The following MATN2 variants were observed in gnomAD, a reference collection of about 807,000 sequenced individuals.
MATN2 encodes the protein matrilin 2, also known as matrilin-2.
MATN2 carries 69 observed loss-of-function variants against 103.2 expected under a neutral mutation model. The ratio of observed to expected loss-of-function variants is 0.67; its 90% CI spans 0.55 to 0.82. MATN2 has a LOEUF of 0.82. MATN2 is among the 40% of genes least tolerant of loss of function. The pLI, the probability that MATN2 is intolerant of heterozygous loss-of-function variation, is 0.00. For missense variants in MATN2, 1,023 were observed against 1,211.5 expected (o/e 0.84, Z 2.31); for synonymous variants, 429 against 450.2 (o/e 0.95, Z 0.60).
intron 2 of MATN2, among the ~76,000 whole-genome samples, chr8:97,900,166 A>G (rs970206341): frequency 6.6e-6 from 1 of 152,214 alleles, no homozygotes; most frequent in African/African-American, 2.4e-5. Flanking sequence ...ATAGGGAAAG[A>G]TGAAAGGAGG....
chr8:97,946,050 T>C (rs1810743480), intron 4 of MATN2, among the ~76,000 whole-genome samples: 2 of 152,176 alleles, frequency 1.3e-5, no homozygotes, highest in African/African-American at 2.4e-5. Flanking sequence ...AGTTATTTCC[T>C]TATCCAAATA....
intron 5 of MATN2, among the ~76,000 whole-genome samples, chr8:97,976,596 GTTA>G (rs1477022442): frequency 1.3e-5 from 2 of 151,922 alleles, no homozygotes; most frequent in Non-Finnish European, 2.9e-5. Context: ...CTATTTCCTT[GTTA>G]TTATTTACAC....
chr8:97,898,973 C>A (rs895735974), intron 2 of MATN2, among the ~76,000 whole-genome samples: 3 of 151,782 alleles, frequency 2.0e-5, no homozygotes, highest in Admixed American at 6.6e-5. Context: ...CCAGGCTGTT[C>A]TCGAACTCCT....
At chr8:98,035,201 T>TA (rs1424757440) in intron 18 of MATN2, among the ~76,000 whole-genome samples, 1 of 151,726 alleles carries the variant, frequency 6.6e-6, no homozygotes, top group Non-Finnish European at 1.5e-5. Context: ...CTACTAAAAA[T>TA]ACAAAATTAG....
At position 97,982,901 on chromosome 8, in the gene MATN2, C is replaced by T. The variant is rs1049236510; in HGVS notation, c.1081+3893C>T. Among the ~76,000 whole-genome samples, 1 of 152,168 alleles carries T rather than the reference C, an allele frequency of 6.6e-6. No homozygotes were observed. Among genetic ancestry groups the T allele is most frequent in the Non-Finnish European group, 1.5e-5 (1 of 68,006 alleles). ...ACTCACATTGTGAAAAACGCATATCCTAGCCTGTCTCCTTCCTGCCTCTCC... is the reference window on the plus strand; with the variant it reads ...ACTCACATTGTGAAAAACGCATATCTTAGCCTGTCTCCTTCCTGCCTCTCC... On this transcript the variant is annotated intron_variant, in intron 6 of 18. Transcript: ENST00000254898. This position sits in a 1 kb window ranked among gnomAD's most constrained non-coding sequence, Gnocchi z 4.3.
chr8:97,954,471 T>G (rs1426430185), intron 4 of MATN2, among the ~76,000 whole-genome samples: 1 of 152,228 alleles, frequency 6.6e-6, no homozygotes, highest in Non-Finnish European at 1.5e-5. Context: ...AAGCTCTGAT[T>G]TGTAGATTTG....
At chr8:97,951,504 T>A (rs1026038516) in intron 4 of MATN2, among the ~76,000 whole-genome samples, 2 of 152,128 alleles carry the variant, frequency 1.3e-5, no homozygotes, top group Non-Finnish European at 2.9e-5. Context: ...TTCCCAGGCT[T>A]ACCCTAGACC....
chr8:98,021,140 A>T (rs746859677), intron 12 of MATN2, 65 bp from the exon 13 acceptor site: 2 of 1,512,544 alleles, frequency 1.3e-6, no homozygotes, highest in Non-Finnish European at 1.8e-6. Flanking sequence ...CTCTACTCAC[A>T]TGACTATTCA....
intron 10 of MATN2, among the ~76,000 whole-genome samples, chr8:98,015,627 C>T (rs1813333257): frequency 6.6e-6 from 1 of 152,168 alleles, no homozygotes; most frequent in Non-Finnish European, 1.5e-5. Context: ...TCTGACACAC[C>T]ATATAATATA....
chr8:98,035,765 C>A lies in MATN2; in HGVS notation c.*53C>A. ...TCATTGTATCACGGATTACAATGAA[C>A]GCAGTGCAGAGCCCCAAAGCTCAGG... On this transcript the variant is annotated 3_prime_UTR_variant, in exon 19 of 19. Coordinates refer to ENST00000254898, the MANE Select transcript of MATN2 (RefSeq NM_002380.5). The A allele has an allele frequency of 8.4e-7, 1 of 1,191,750 alleles. No homozygotes were observed. The highest frequency in any genetic ancestry group is 1.2e-6 in the Non-Finnish European group (1 of 823,660). The allele number at this position is 1,191,750 out of a possible 1,614,324, so 73.8% of individuals were successfully genotyped here.
intron 6 of MATN2, among the ~76,000 whole-genome samples, chr8:97,989,527 A>T (rs1812323889): frequency 2.0e-5 from 3 of 152,176 alleles, no homozygotes. Context: ...TGCATCAGTG[A>T]AAAAACTATC....
chr8:97,941,161 C>CAAAAAAAA (rs1186024165), intron 3 of MATN2, among the ~76,000 whole-genome samples: 186 of 77,902 alleles, frequency 2.4e-3, no homozygotes, highest in Middle Eastern at 0.012. Context: ...GACCTTGTCT[C>CAAAAAAAA]AAAAAAAAAA....
At chr8:97,899,082 C>T (rs1165428115) in intron 2 of MATN2, among the ~76,000 whole-genome samples, 1 of 152,018 alleles carries the variant, frequency 6.6e-6, no homozygotes, top group Non-Finnish European at 1.5e-5. Context: ...TATAACCCCA[C>T]CCACCCTGTT....
intron 2 of MATN2, 61 bp downstream of exon 2, chr8:97,888,303 G>A (rs1246371685): frequency 7.1e-7 from 1 of 1,406,954 alleles, no homozygotes; most frequent in Non-Finnish European, 9.2e-7. Flanking sequence ...GAGGGCTCAG[G>A]GACAGGGATT....
chr8:97,937,243 A>G (rs1333336861), intron 3 of MATN2, among the ~76,000 whole-genome samples: 1 of 152,100 alleles, frequency 6.6e-6, no homozygotes, highest in African/African-American at 2.4e-5. Flanking sequence ...AGGTGTCTGG[A>G]GTGAGAAGGA....
At chr8:97,961,267 C>A in intron 4 of MATN2, 141 bp from the exon 5 acceptor site, 1 of 776,692 alleles carries the variant, frequency 1.3e-6, no homozygotes, top group Non-Finnish European at 1.9e-6. Flanking sequence ...AAATTTTCTA[C>A]TATGATCACG....
At chr8:98,025,640 G>A in intron 13 of MATN2, 1 of 317,130 alleles carries the variant, frequency 3.2e-6, no homozygotes, top group South Asian at 2.3e-5. Flanking sequence ...CAGCTACTTG[G>A]GAGGCTGAGG....
At chr8:98,001,670 G>C (rs1812791617) in intron 7 of MATN2, among the ~76,000 whole-genome samples, 1 of 151,990 alleles carries the variant, frequency 6.6e-6, no homozygotes, top group South Asian at 2.1e-4. Context: ...TAGAGGTGGG[G>C]TTTCACCATG....
intron 2 of MATN2, among the ~76,000 whole-genome samples, chr8:97,925,340 T>C (rs528543061): frequency 2.0e-4 from 30 of 152,202 alleles, no homozygotes; most frequent in Non-Finnish European, 2.6e-4. Flanking sequence ...TTGCAGTTTT[T>C]CCACAAAGAC....
Sources: gnomAD v4.1 joint callset for allele counts (sites outside exome capture counted in the v4.1 genomes callset) on GRCh38, gnomAD v4.1.1 for gene constraint, Gnocchi (gnomAD v3.1) non-coding constraint, MANE v1.5 for transcripts, NCBI Gene and HGNC (gene_info 2026-07-23, HGNC 2026-07-21) for gene names.